BICDL1: variants seen among roughly 807,000 people sequenced by gnomAD.
The protein encoded by BICDL1 is BICD family like cargo adaptor 1.
In BICDL1, 20 loss-of-function variants were observed where a neutral mutation model predicts 76.8. The ratio of observed to expected loss-of-function variants is 0.26; its 90% CI spans 0.18 to 0.38. BICDL1 has a LOEUF of 0.38. BICDL1 is among the 10% of genes least tolerant of loss of function. BICDL1 has a pLI of 1.00. For synonymous variants in BICDL1, 383 were observed against 337.1 expected, an observed-to-expected ratio of 1.14 and a Z score of -1.49; for missense variants, 700 against 798.6, an observed-to-expected ratio of 0.88 and a Z score of 1.49.
chr12:120,074,229 C>A (rs534201640), intron 6 of BICDL1, among the ~76,000 whole-genome samples: 136 of 149,896 alleles, frequency 9.1e-4, no homozygotes, highest in Admixed American at 2.0e-3. Flanking sequence ...TCTTCTTGAC[C>A]CCTTCTTCCT....
chr12:120,071,512 T>G lies in BICDL1; in HGVS notation c.910-110T>G. 1 of 1,385,590 alleles carries G rather than the reference T, an allele frequency of 7.2e-7. No homozygotes were observed. The highest frequency in any genetic ancestry group is 9.5e-7 in the Non-Finnish European group (1 of 1,050,684). The allele number at this position is 1,385,590 out of a possible 1,614,324, so 85.8% of individuals were successfully genotyped here. On this transcript the variant is annotated intron_variant, in intron 4 of 9. Coordinates refer to ENST00000548673, the MANE Select transcript of BICDL1 (RefSeq NM_001367886.1). The surrounding 1 kb of genome is among the most constrained non-coding windows in gnomAD (Gnocchi z 4.8). ...GTTTAACATGTTCTTCTCTCCTATT[T>G]ATTTTTCTATAAATTGGTGGTTGGA...
At chr12:120,067,675 G>C (rs1682767989) in intron 4 of BICDL1, among the ~76,000 whole-genome samples, 1 of 152,182 alleles carries the variant, frequency 6.6e-6, no homozygotes. Context: ...CTTTGAGTGT[G>C]CATGAGTAAT....
At chr12:120,013,405 C>T (rs1461269330) in intron 2 of BICDL1, among the ~76,000 whole-genome samples, 2 of 150,944 alleles carry the variant, frequency 1.3e-5, no homozygotes, top group Non-Finnish European at 2.9e-5. Context: ...AGGTTTTAGA[C>T]ACCATGAATT....
At chr12:120,070,278 A>G (rs896538045) in intron 4 of BICDL1, among the ~76,000 whole-genome samples, 1 of 152,150 alleles carries the variant, frequency 6.6e-6, no homozygotes, top group African/African-American at 2.4e-5. Context: ...TATTATTTGT[A>G]TTATTTATAT....
chr12:120,068,409 GATGTGGC>G (rs1226048810), intron 4 of BICDL1, among the ~76,000 whole-genome samples: 1 of 152,244 alleles, frequency 6.6e-6, no homozygotes, highest in East Asian at 1.9e-4. Flanking sequence ...CTTCTGGGCA[GATGTGGC>G]ATGTGGCATG....
intron 2 of BICDL1, among the ~76,000 whole-genome samples, chr12:120,053,081 G>C (rs12422923): frequency 6.6e-6 from 1 of 151,476 alleles, no homozygotes; most frequent in Non-Finnish European, 1.5e-5. Context: ...CAGCCAGCCT[G>C]ATTTTCATTC....
intron 9 of BICDL1, 141 bp from the exon 10 acceptor site, chr12:120,092,859 G>T: frequency 7.1e-7 from 1 of 1,409,542 alleles, no homozygotes. Flanking sequence ...CCGCTTTCTT[G>T]GTCAGGGCAG....
At chr12:120,085,467 G>A (rs375714040) in intron 8 of BICDL1, among the ~76,000 whole-genome samples, 2 of 152,178 alleles carry the variant, frequency 1.3e-5, no homozygotes, top group East Asian at 3.8e-4. Flanking sequence ...GAAATTGTGT[G>A]ATGGAATAAA....
At chr12:120,028,363 A>T (rs943431602) in intron 2 of BICDL1, among the ~76,000 whole-genome samples, 3 of 150,240 alleles carry the variant, frequency 2.0e-5, no homozygotes, top group African/African-American at 7.4e-5. Flanking sequence ...ATATCCAAGA[A>T]TTGGTTTCCA....
chr12:120,030,537 G>A (rs1234106186), intron 2 of BICDL1, among the ~76,000 whole-genome samples: 1 of 152,122 alleles, frequency 6.6e-6, no homozygotes, highest in African/African-American at 2.4e-5. Context: ...AACCCCAGGA[G>A]GTAGAAAGGC....
intron 2 of BICDL1, among the ~76,000 whole-genome samples, chr12:120,050,461 G>A (rs1566243649): frequency 6.6e-6 from 1 of 151,674 alleles, no homozygotes; most frequent in Non-Finnish European, 1.5e-5. Context: ...TAGAGACAGG[G>A]TTTCACCGTG....
chr12:120,092,970 G>T lies in BICDL1; in HGVS notation c.1705-30G>T, dbSNP rs1302379904. 3 of 1,531,042 alleles carry T rather than the reference G, an allele frequency of 2.0e-6. No homozygotes were observed. In the Admixed American group the frequency reaches 6.1e-5, roughly 31 times the overall value. The allele number at this position is 1,531,042 out of a possible 1,614,324, so 94.8% of individuals were successfully genotyped here. A position where few individuals can be genotyped will look rare whatever the true frequency, so the allele number is the denominator to read the frequency against. ...AGGGTTAGGTGAGAGCAGCTACTCA[G>T]TCCTGGCCACTGTCCCCTCCCCTCT... is the stretch of plus-strand genomic sequence containing the variant. On this transcript the variant is annotated intron_variant, in intron 9 of 9. Transcript: ENST00000548673.
At position 120,089,532 on chromosome 12, in the gene BICDL1, G is replaced by A. The variant is rs148949223; in HGVS notation, c.1584-419G>A. On this transcript the variant is annotated intron_variant, in intron 8 of 9. Coordinates refer to ENST00000548673, the MANE Select transcript of BICDL1 (RefSeq NM_001367886.1). ...CGAGTAACTGGGATTACAGGCATGT[G>A]CCACCACGCCTGGCTAATTTTGTAT... Among the ~76,000 whole-genome samples, 638 of 152,260 alleles carry A rather than the reference G, an allele frequency of 4.2e-3. 3 individuals carry two copies. The highest frequency in any genetic ancestry group is 0.015 in the African/African-American group (607 of 41,528).
chr12:120,040,381 C>T (rs1952614737), intron 2 of BICDL1, among the ~76,000 whole-genome samples: 3 of 151,866 alleles, frequency 2.0e-5, no homozygotes, highest in African/African-American at 2.4e-5. Flanking sequence ...CGTGAGCCAC[C>T]GAGCCCAGCC....
At position 120,071,080 on chromosome 12, in the gene BICDL1, G is replaced by GT. The variant is rs911005694; in HGVS notation, c.910-536dup. Among the ~76,000 whole-genome samples, 11 of 151,784 alleles carry GT rather than the reference G, an allele frequency of 7.2e-5. No individual in the cohort carries two copies. Among genetic ancestry groups the GT allele is most frequent in the Non-Finnish European group, 1.2e-4 (8 of 67,946 alleles). ...TTATTTCTGTGTTCCTCCTTTATCT[G>GT]TTTTTTCCCTTGCAATGTTTTTGTT... On this transcript the variant is annotated intron_variant, in intron 4 of 9. Coordinates refer to ENST00000548673, the MANE Select transcript of BICDL1 (RefSeq NM_001367886.1). The surrounding 1 kb of genome is among the most constrained non-coding windows in gnomAD (Gnocchi z 4.8).
chr12:120,051,959 G>C (rs1485418336), intron 2 of BICDL1, among the ~76,000 whole-genome samples: 1 of 150,802 alleles, frequency 6.6e-6, no homozygotes, highest in African/African-American at 2.4e-5. Flanking sequence ...TTGTTGTTTT[G>C]AGACAGAGTC....
At chr12:120,048,514 A>G (rs921539478) in intron 2 of BICDL1, among the ~76,000 whole-genome samples, 1 of 152,032 alleles carries the variant, frequency 6.6e-6, no homozygotes, top group Non-Finnish European at 1.5e-5. Context: ...GTGTCAGCAC[A>G]TTGCCTGTCT....
intron 1 of BICDL1, among the ~76,000 whole-genome samples, chr12:119,994,874 T>A (rs1352368613): frequency 6.6e-6 from 1 of 152,230 alleles, no homozygotes; most frequent in African/African-American, 2.4e-5. Context: ...TGCACCCAGC[T>A]TCCTCTTATT....
intron 2 of BICDL1, among the ~76,000 whole-genome samples, chr12:120,025,586 C>A (rs1952282410): frequency 6.6e-6 from 1 of 152,166 alleles, no homozygotes; most frequent in South Asian, 2.1e-4. Context: ...CCCACTGGCA[C>A]TCAGACTCCC....
Sources: allele counts gnomAD v4.1 joint callset (sites outside exome capture counted in the v4.1 genomes callset), GRCh38; gene constraint gnomAD v4.1.1; non-coding constraint Gnocchi (gnomAD v3.1); transcripts MANE v1.5; gene names NCBI Gene and HGNC (gene_info 2026-07-23, HGNC 2026-07-21).